The following PATL2 variants were observed in gnomAD, a reference collection of about 807,000 sequenced individuals.
PATL2 encodes the protein protein PAT1 homolog 2.
Under a neutral mutation model 77.0 loss-of-function variants are expected in PATL2, and 73 were observed. The ratio of observed to expected loss-of-function variants is 0.95; its 90% CI spans 0.78 to 1.15. The LOEUF (loss-of-function observed/expected upper bound fraction) is 1.15. Among genes scored for constraint, PATL2 ranks in the 50% most tolerant of loss-of-function variants. The probability of loss-of-function intolerance (pLI) is 0.00; values close to 1 mark genes in which losing one functional copy is unlikely to be tolerated. For synonymous variants in PATL2, 265 were observed against 257.1 expected (o/e 1.03, Z -0.29); for missense variants, 618 against 655.4 (o/e 0.94, Z 0.62).
intron 3 of PATL2, among the ~76,000 whole-genome samples, chr15:44,682,572 T>G (rs541995131): frequency 1.3e-5 from 2 of 152,342 alleles, no homozygotes; most frequent in African/African-American, 4.8e-5. Flanking sequence ...AGGGGTTTCT[T>G]GCCAGCCACC....
chr15:44,701,660 C>G (rs919253769), intron 3 of PATL2, among the ~76,000 whole-genome samples: 1 of 145,022 alleles, frequency 6.9e-6, no homozygotes. Flanking sequence ...TATTGCACCA[C>G]TGCCCTCCAG....
intron 3 of PATL2, among the ~76,000 whole-genome samples, chr15:44,705,840 T>C: frequency 8.3e-6 from 1 of 121,016 alleles, no homozygotes; most frequent in Admixed American, 9.3e-5. Flanking sequence ...CTTGCTCAGT[T>C]GCCCAGGCTG....
intron 3 of PATL2, among the ~76,000 whole-genome samples, chr15:44,694,511 G>A (rs769755645): frequency 1.3e-5 from 2 of 151,824 alleles, no homozygotes; most frequent in Admixed American, 6.6e-5. Context: ...TTAAACTTCC[G>A]CTCCTAAACT....
intron 8 of PATL2, 55 bp downstream of exon 8, chr15:44,672,333 G>T: frequency 6.5e-7 from 1 of 1,535,758 alleles, no homozygotes; most frequent in South Asian, 1.2e-5. Context: ...GTCACAAGGG[G>T]AGACCCGGCA....
chr15:44,694,268 C>T (rs1204522265), intron 3 of PATL2, among the ~76,000 whole-genome samples: 9 of 152,132 alleles, frequency 5.9e-5, no homozygotes, highest in African/African-American at 2.2e-4. Context: ...GAGGGGCAGT[C>T]CCACCTCAGG....
intron 3 of PATL2, among the ~76,000 whole-genome samples, chr15:44,678,490 C>G (rs1214704891): frequency 6.6e-6 from 1 of 152,088 alleles, no homozygotes; most frequent in Non-Finnish European, 1.5e-5. Context: ...GTCTACTGAT[C>G]CCCTAGATGT....
chr15:44,666,380 G>C lies in PATL2; in HGVS notation c.1613+12C>G, dbSNP rs2085371331. The C allele has an allele frequency of 6.4e-7, 1 of 1,551,598 alleles. No individual in the cohort carries two copies. The highest frequency in any genetic ancestry group is 8.7e-7 in the Non-Finnish European group (1 of 1,146,934). On this transcript the variant is annotated intron_variant, in intron 17 of 17. Transcript: ENST00000682850. ...AACAAGGGGCTTTGACCTTGTTTCTGCCATTACTTACTCCATCCTGGCCTC... is the reference window on the plus strand; with the variant it reads ...AACAAGGGGCTTTGACCTTGTTTCTCCCATTACTTACTCCATCCTGGCCTC...
chr15:44,682,846 A>G (rs2086163967), intron 3 of PATL2, among the ~76,000 whole-genome samples: 2 of 152,226 alleles, frequency 1.3e-5, no homozygotes, highest in Non-Finnish European at 2.9e-5. Context: ...TCCAAGAGAG[A>G]TCAACACAGA....
At chr15:44,708,871 T>G (rs2086793212) in intron 3 of PATL2, among the ~76,000 whole-genome samples, 1 of 152,186 alleles carries the variant, frequency 6.6e-6, no homozygotes, top group South Asian at 2.1e-4. Context: ...TATGTTTAAC[T>G]TTATAAAGAG....
chr15:44,667,019 G>T, intron 16 of PATL2, 87 bp downstream of exon 16: 1 of 1,084,956 alleles, frequency 9.2e-7, no homozygotes, highest in South Asian at 1.4e-5. Context: ...CTCAGTACTT[G>T]AAAATGCCTC....
intron 7 of PATL2, among the ~76,000 whole-genome samples, chr15:44,672,886 A>C (rs2085760096): frequency 6.6e-6 from 1 of 152,004 alleles, no homozygotes; most frequent in Non-Finnish European, 1.5e-5. Flanking sequence ...CAGCCTCCCA[A>C]GTAGCTGGGA....
intron 3 of PATL2, among the ~76,000 whole-genome samples, chr15:44,679,503 C>T (rs992192426): frequency 1.3e-4 from 19 of 151,474 alleles, no homozygotes; most frequent in East Asian, 3.9e-4. Context: ...GCTGGGATTA[C>T]AGGCGTGAGC....
At chr15:44,687,098 CA>C (rs1269144360) in intron 3 of PATL2, among the ~76,000 whole-genome samples, 2 of 151,972 alleles carry the variant, frequency 1.3e-5, no homozygotes, top group Non-Finnish European at 2.9e-5. Context: ...AGAGACACAA[CA>C]AAAAAAGAAA....
chr15:44,695,112 C>T (rs982188030), intron 3 of PATL2, among the ~76,000 whole-genome samples: 1 of 151,696 alleles, frequency 6.6e-6, no homozygotes, highest in Admixed American at 6.6e-5. Context: ...CACTTGAACC[C>T]GGGAGGTGGA....
In PATL2 at chr15:44,669,999, G is replaced by A; in HGVS notation, c.746C>T (p.Pro249Leu). The change falls in exon 10 of 18, where the codon CCT (proline) becomes CTT (leucine). Residue 249 changes from proline to leucine, a missense_variant. Pro to Leu is a moderately conservative substitution (Grantham distance 98). Coordinates refer to ENST00000682850, the MANE Select transcript of PATL2 (RefSeq NM_001387263.1). ...ATAAGCCTCTGCCTTCGGAATGTAA[G>A]GCGTTACCAGCTTGAGGGACTCAAC... ...NRVESLKLVT[P>L]YIPKAEAYES... 6.5e-7 allele frequency: 1 copy of A among 1,549,960 alleles called. No individual in the cohort carries two copies. The highest frequency in any genetic ancestry group is 8.7e-7 in the Non-Finnish European group (1 of 1,146,270).
At chr15:44,677,861 A>T (rs2086024979) in intron 3 of PATL2, among the ~76,000 whole-genome samples, 1 of 152,134 alleles carries the variant, frequency 6.6e-6, no homozygotes, top group South Asian at 2.1e-4. Context: ...ATATCTTGAG[A>T]TAGCATCTTA....
Position 44,670,015 on chromosome 15 carries a change from G to C in PATL2, c.730C>G (p.Leu244Val), listed in dbSNP as rs1184030682. The change falls in exon 10 of 18, where the codon CTC (leucine) becomes GTC (valine). Residue 244 changes from leucine to valine, a missense_variant. Leu to Val is a conservative substitution (Grantham distance 32). Transcript: ENST00000682850. ...LLGRRNRVESLKLVTPYIPKA... is the reference protein window; with the variant it reads ...LLGRRNRVESVKLVTPYIPKA... The stretch of plus-strand genomic sequence containing the variant: ...GGAATGTAAGGCGTTACCAGCTTGA[G>C]GGACTCAACCCGGTTTCTTCGTCCA... The C allele has an allele frequency of 6.4e-7, 1 of 1,550,508 alleles. No individual in the cohort carries two copies. Among genetic ancestry groups the C allele is most frequent in the Non-Finnish European group, 8.7e-7 (1 of 1,146,596 alleles).
At chr15:44,674,409 C>G (rs556895423) in intron 5 of PATL2, 179 bp from the exon 6 acceptor site, 6 of 594,416 alleles carry the variant, frequency 1.0e-5, no homozygotes, top group Non-Finnish European at 1.8e-5. Context: ...CCCTCTCCCT[C>G]TCCTGGGAGG....
At chr15:44,675,761 G>T in intron 4 of PATL2, 70 bp from the exon 5 acceptor site, 1 of 1,319,634 alleles carries the variant, frequency 7.6e-7, no homozygotes, top group Non-Finnish European at 1.0e-6. Context: ...TAGAGAGGCT[G>T]CTACTCAATA....
Sources: gnomAD v4.1 joint callset for allele counts (sites outside exome capture counted in the v4.1 genomes callset) on GRCh38, gnomAD v4.1.1 for gene constraint, MANE v1.5 for transcripts, NCBI Gene and HGNC (gene_info 2026-07-23, HGNC 2026-07-21) for gene names.